EHD4: variants seen among roughly 807,000 people sequenced by gnomAD.
The protein encoded by EHD4 is EH domain containing 4.
In EHD4, 37 loss-of-function variants were observed where a neutral mutation model predicts 51.0. The ratio of observed to expected loss-of-function variants is 0.73; its 90% confidence interval spans 0.56 to 0.95. The LOEUF is 0.95. Ranked by LOEUF, EHD4 falls within the 40% of genes least tolerant of loss-of-function variation. The pLI, the probability that EHD4 is intolerant of heterozygous loss-of-function variation, is 0.00. For synonymous variants in EHD4, 297 were observed against 317.3 expected (o/e 0.94, Z 0.68); for missense variants, 632 against 733.1 (o/e 0.86, Z 1.59).
chr15:41,972,297 C>T lies in EHD4; in HGVS notation c.198G>A (p.Leu66=), dbSNP rs763752339. ...ADFENKPMIL[L]VGQYSTGKTT... ...TCTTGCCGGTGCTGTACTGGCCCACCAGCAGGATCATGGGCTTGTTCTCGA... is the reference window on the plus strand; with the variant it reads ...TCTTGCCGGTGCTGTACTGGCCCACTAGCAGGATCATGGGCTTGTTCTCGA... The change falls in exon 1 of 6, where the codon CTG becomes CTA. Residue 66 remains leucine, a synonymous_variant. Coordinates refer to ENST00000220325, the MANE Select transcript of EHD4 (RefSeq NM_139265.4). The T allele has an allele frequency of 6.2e-7, 1 of 1,610,106 alleles. No homozygotes were observed. The highest frequency in any genetic ancestry group is 1.3e-5 in the African/African-American group (1 of 74,394).
In EHD4 at chr15:41,929,067, C is replaced by T. The variant is rs1207927193; in HGVS notation, c.512-9445G>A. On this transcript the variant is annotated intron_variant, in intron 3 of 5. Coordinates refer to ENST00000220325, the MANE Select transcript of EHD4 (RefSeq NM_139265.4). ...GAGAATGTAACTGGTTACCAGAAAA[C>T]CCCAGAGGTTGTCTCCCAGTACCTA... 3.3e-5 allele frequency among the ~76,000 whole-genome samples: 5 copies of T among 152,326 alleles called. No individual in the cohort carries two copies. The East Asian group carries it at 9.6e-4, about 29-fold the overall frequency.
At position 41,900,831 on chromosome 15, in the gene EHD4, G is replaced by A; in HGVS notation, c.1440C>T (p.Pro480=). 6.2e-7 allele frequency: 1 copy of A among 1,614,176 alleles called. No homozygotes were observed. Among genetic ancestry groups the A allele is most frequent in the Non-Finnish European group, 8.5e-7 (1 of 1,180,038 alleles). Residue 480 remains proline (P), a synonymous_variant, in exon 6 of 6, where the codon CCC becomes CCT. Coordinates refer to ENST00000220325, the MANE Select transcript of EHD4 (RefSeq NM_139265.4). This position sits in a 1 kb window ranked among gnomAD's most constrained non-coding sequence, Gnocchi z 4.8. The part of the protein sequence containing the change: ...AKKEMVTSKL[P]NSVLGKIWKL... ...TCCAGATCTTGCCCAGGACGCTGTT[G>A]GGCAGCTTGGAGGTCACCATCTCCT... is the stretch of plus-strand genomic sequence containing the variant.
At chr15:41,926,345 T>C (rs1184562980) in intron 3 of EHD4, among the ~76,000 whole-genome samples, 2 of 152,202 alleles carry the variant, frequency 1.3e-5, no homozygotes, top group Non-Finnish European at 2.9e-5. Context: ...GAACACTGCC[T>C]AAAACTGCTC....
chr15:41,907,495 A>C (rs1217104503), intron 5 of EHD4, among the ~76,000 whole-genome samples: 2 of 152,206 alleles, frequency 1.3e-5, no homozygotes, highest in Non-Finnish European at 2.9e-5. Context: ...TGCTGGAAGA[A>C]AAGAGACATT....
At chr15:41,915,116 T>C (rs1315233934) in intron 4 of EHD4, among the ~76,000 whole-genome samples, 1 of 151,696 alleles carries the variant, frequency 6.6e-6, no homozygotes, top group African/African-American at 2.4e-5. Context: ...ACACACATCA[T>C]TGGACACAAT....
At chr15:41,957,987 C>G (rs1460681786) in intron 1 of EHD4, among the ~76,000 whole-genome samples, 7 of 152,060 alleles carry the variant, frequency 4.6e-5, no homozygotes, top group African/African-American at 1.7e-4. Flanking sequence ...GTCAATCACA[C>G]AGCCACACGG....
At chr15:41,940,191 G>C (rs530377247) in intron 3 of EHD4, among the ~76,000 whole-genome samples, 2 of 152,176 alleles carry the variant, frequency 1.3e-5, no homozygotes, top group Non-Finnish European at 2.9e-5. Context: ...GTACACAAGC[G>C]GCCACCTTTC....
chr15:41,918,289 C>T (rs767737671), intron 4 of EHD4, among the ~76,000 whole-genome samples: 27 of 152,078 alleles, frequency 1.8e-4, no homozygotes, highest in Non-Finnish European at 3.4e-4. Context: ...CATGTGTGCA[C>T]GCACACCCCT....
At chr15:41,935,799 T>C (rs1301848617) in intron 3 of EHD4, among the ~76,000 whole-genome samples, 1 of 152,224 alleles carries the variant, frequency 6.6e-6, no homozygotes, top group South Asian at 2.1e-4. Flanking sequence ...TTCTGTGGGT[T>C]GACTGGGCTC....
chr15:41,900,694 G>A lies in EHD4; in HGVS notation c.1577C>T (p.Pro526Leu). 6.2e-7 allele frequency: 1 copy of A among 1,606,416 alleles called. No individual in the cohort carries two copies. The highest frequency in any genetic ancestry group is 8.5e-7 in the Non-Finnish European group (1 of 1,179,202). ...DGYELPSSLP[P>L]HLVPPSHRKS... ...CCTGTGCGAGGGGGGCACGAGGTGG[G>A]GGGGCAGGCTGCTGGGCAGCTCGTA... The change falls in exon 6 of 6, where the codon CCC becomes CTC. Residue 526 changes from proline (P) to leucine (L), a missense_variant. By Grantham distance (98) the Pro-to-Leu change is moderately conservative. Transcript: ENST00000220325. The surrounding 1 kb of genome is among the most constrained non-coding windows in gnomAD (Gnocchi z 4.8).
chr15:41,935,665 A>ACAGCACGCACTCTGGAAC (rs1359841396), intron 3 of EHD4, among the ~76,000 whole-genome samples: 6 of 152,200 alleles, frequency 3.9e-5, no homozygotes, highest in African/African-American at 1.4e-4. Flanking sequence ...CTTGTGGTTA[A>ACAGCACGCACTCTGGAAC]CAGCACGCAC....
At chr15:41,928,984 T>G (rs1411615045) in intron 3 of EHD4, 1 of 152,212 alleles carries the variant, frequency 6.6e-6, no homozygotes, top group East Asian at 1.9e-4. Context: ...AAGCTCCTTT[T>G]GGAGAGGCTG....
chr15:41,964,598 C>T (rs1043980966), intron 1 of EHD4, among the ~76,000 whole-genome samples: 1 of 151,558 alleles, frequency 6.6e-6, no homozygotes, highest in African/African-American at 2.4e-5. Context: ...AGAGCAAGAC[C>T]CTATCTAAAA....
chr15:41,925,513 G>A (rs574630613), intron 3 of EHD4, among the ~76,000 whole-genome samples: 51 of 152,312 alleles, frequency 3.3e-4, no homozygotes, highest in African/African-American at 1.2e-3. Context: ...TGTTGTGGGT[G>A]CAGGACTCAA....
At chr15:41,921,247 G>T (rs1403387583) in intron 3 of EHD4, among the ~76,000 whole-genome samples, 1 of 152,094 alleles carries the variant, frequency 6.6e-6, no homozygotes, top group Non-Finnish European at 1.5e-5. Flanking sequence ...TCATTTCTCT[G>T]TTCTGTCTCA....
intron 3 of EHD4, chr15:41,921,460 C>G (rs140968299): frequency 1.3e-5 from 2 of 152,334 alleles, no homozygotes; most frequent in Non-Finnish European, 2.9e-5. Flanking sequence ...TAGGGTAACA[C>G]TAAGTGCTAC....
At chr15:41,945,205 C>G (rs1648855) in intron 2 of EHD4, among the ~76,000 whole-genome samples, 94,092 of 152,066 alleles carry the variant, frequency 0.62, 29,816 homozygotes, top group Non-Finnish European at 0.71. Context: ...TTCCCGTGGA[C>G]AGGCTGATCT....
intron 3 of EHD4, among the ~76,000 whole-genome samples, chr15:41,927,007 T>G (rs368800044): frequency 6.6e-5 from 10 of 152,198 alleles, no homozygotes; most frequent in Non-Finnish European, 1.2e-4. Context: ...GTCTTCACTG[T>G]GTCTGTAACC....
chr15:41,901,973 T>C (rs943739895), intron 5 of EHD4, among the ~76,000 whole-genome samples: 5 of 152,124 alleles, frequency 3.3e-5, no homozygotes, highest in African/African-American at 1.2e-4. Context: ...CTGGAACTTG[T>C]AAGAGCAGGG....
Sources: allele counts gnomAD v4.1 joint callset (sites outside exome capture counted in the v4.1 genomes callset), GRCh38; gene constraint gnomAD v4.1.1; non-coding constraint Gnocchi (gnomAD v3.1); transcripts MANE v1.5; gene names NCBI Gene and HGNC (gene_info 2026-07-23, HGNC 2026-07-21).